The following PCDHGB3 variants were observed in gnomAD, a reference collection of about 807,000 sequenced individuals.
PCDHGB3 encodes the protein protocadherin gamma subfamily B, 3, also known as protocadherin gamma-B3.
A neutral mutation model predicts 59.2 loss-of-function variants in PCDHGB3; 40 were observed. That is an observed-to-expected ratio of 0.68 (90% CI 0.52 to 0.88). The LOEUF (loss-of-function observed/expected upper bound fraction) is 0.88. Among genes scored for constraint, PCDHGB3 ranks in the 40% least tolerant of loss-of-function variants. PCDHGB3 has a pLI of 0.00. For missense variants in PCDHGB3, 1,309 were observed against 1,187.9 expected (o/e 1.10, Z -1.50); for synonymous variants, 581 against 503.6 (o/e 1.15, Z -2.06).
intron 1 of PCDHGB3, chr5:141,399,764 T>C: frequency 6.2e-7 from 1 of 1,613,252 alleles, no homozygotes; most frequent in Non-Finnish European, 8.5e-7. Flanking sequence ...AGCCTGCGCG[T>C]GTTGGTGGGC....
Position 141,485,716 on chromosome 5 carries a change from T to C in PCDHGB3, c.2416-9091T>C. Reference sequence around the variant, plus strand: ...GCTCCAATGAACACTTTGCACTGGATGTGAAGAAGCGCAGCGACGGCAGCC... The same window carrying C: ...GCTCCAATGAACACTTTGCACTGGACGTGAAGAAGCGCAGCGACGGCAGCC... On this transcript the variant is annotated intron_variant, in intron 1 of 3. Coordinates refer to ENST00000576222, the MANE Select transcript of PCDHGB3 (RefSeq NM_018924.5). The surrounding 1 kb of genome is among the most constrained non-coding windows in gnomAD (Gnocchi z 5.7). The C allele has an allele frequency of 6.2e-7, 1 of 1,614,044 alleles. No individual in the cohort carries two copies. Among genetic ancestry groups the C allele is most frequent in the Non-Finnish European group, 8.5e-7 (1 of 1,180,002 alleles).
At chr5:141,372,985 G>A (rs1018239187) in intron 1 of PCDHGB3, 176 bp downstream of exon 1, 2 of 639,950 alleles carry the variant, frequency 3.1e-6, no homozygotes, top group Non-Finnish European at 5.2e-6. Context: ...TATCTGTGTT[G>A]CAGTTGTTCT....
Position 141,489,592 on chromosome 5 carries a change from C to T in PCDHGB3, c.2416-5215C>T, listed in dbSNP as rs747085985. 1.3e-5 allele frequency: 21 copies of T among 1,613,928 alleles called. No individual in the cohort carries two copies. The East Asian group carries it at 1.6e-4, about 12-fold the overall frequency. ...GACTGAACACCCCCTGGAGCTAATC[C>T]GTGTAGAGGTAGAGATCCTGGATCT... is the stretch of plus-strand genomic sequence containing the variant. On this transcript the variant is annotated intron_variant, in intron 1 of 3. Transcript: ENST00000576222. This position sits in a 1 kb window ranked among gnomAD's most constrained non-coding sequence, Gnocchi z 4.5.
rs564367150 is a variant in PCDHGB3 at position 141,464,990 on chromosome 5, C to T, written c.2416-29817C>T. Among the ~76,000 whole-genome samples, 147 of 152,192 alleles carry T rather than the reference C, an allele frequency of 9.7e-4. 1 individual carries two copies. Among genetic ancestry groups the T allele is most frequent in the African/African-American group, 3.5e-3 (144 of 41,536 alleles). On this transcript the variant is annotated intron_variant, in intron 1 of 3. Transcript: ENST00000576222. ...CTACTGGCTTCAAGTGATCCTCCCA[C>T]CTCAGCCTCCCAAAGTGCTAAGATT...
At chr5:141,418,484 C>T (rs771278923) in intron 1 of PCDHGB3, 1 of 1,613,878 alleles carries the variant, frequency 6.2e-7, no homozygotes, top group East Asian at 2.2e-5. Flanking sequence ...GAGCGCTCAC[C>T]ACTTGGTACT....
chr5:141,498,093 G>T (rs975304630), intron 2 of PCDHGB3, among the ~76,000 whole-genome samples: 4 of 152,220 alleles, frequency 2.6e-5, no homozygotes, highest in Admixed American at 1.3e-4. Context: ...AATTGTATCT[G>T]GTGGTGTGGG....
chr5:141,432,374 C>T lies in PCDHGB3; in HGVS notation c.2415+59565C>T. The T allele has an allele frequency of 6.2e-7, 1 of 1,614,240 alleles. No individual in the cohort carries two copies. The highest frequency in any genetic ancestry group is 1.1e-5 in the South Asian group (1 of 91,082). ...GAAAGTGATGGCGCGGGACAACGGG[C>T]ACCCGCCCCTCAGCAGCAACGTGTC... On this transcript the variant is annotated intron_variant, in intron 1 of 3. Transcript: ENST00000576222. The surrounding 1 kb of genome is among the most constrained non-coding windows in gnomAD (Gnocchi z 6.0).
intron 1 of PCDHGB3, among the ~76,000 whole-genome samples, chr5:141,479,846 C>A (rs1350909064): frequency 1.3e-5 from 2 of 152,194 alleles, no homozygotes; most frequent in Admixed American, 6.5e-5. Context: ...TGCAAGGTGA[C>A]TGCAAGGCCT....
intron 1 of PCDHGB3, among the ~76,000 whole-genome samples, chr5:141,451,138 A>T (rs1348825654): frequency 6.6e-6 from 1 of 152,242 alleles, no homozygotes; most frequent in East Asian, 1.9e-4. Flanking sequence ...TTATGATTGT[A>T]TTTAGACTAG....
At chr5:141,503,387 G>A (rs975079596) in intron 2 of PCDHGB3, among the ~76,000 whole-genome samples, 24 of 152,068 alleles carry the variant, frequency 1.6e-4, no homozygotes, top group Middle Eastern at 3.4e-3. Flanking sequence ...ATGAGGTCAG[G>A]AGTTCGAAAC....
Position 141,372,773 on chromosome 5 carries a change from T to A in PCDHGB3, c.2379T>A (p.Asn793Lys). ...CCTCTTGGTTTGAAAGTAATGACAA[T>A]CCAGAAATGCCTTCTAATTCAGGCA... Reference protein sequence around the residue: ...DEASWFESNDNPEMPSNSGNL... With the variant: ...DEASWFESNDKPEMPSNSGNL... The change falls in exon 1 of 4, where the codon AAT (asparagine) becomes AAA (lysine). Residue 793 changes from asparagine (N) to lysine (K), a missense_variant. Asn to Lys is a moderately conservative substitution (Grantham distance 94, BLOSUM62 0). Coordinates refer to ENST00000576222, the MANE Select transcript of PCDHGB3 (RefSeq NM_018924.5). 6.2e-7 allele frequency: 1 copy of A among 1,610,720 alleles called. No individual in the cohort carries two copies. The highest frequency in any genetic ancestry group is 2.2e-5 in the East Asian group (1 of 44,852).
intron 1 of PCDHGB3, chr5:141,403,562 G>A (rs2094421705): frequency 6.2e-7 from 1 of 1,613,980 alleles, no homozygotes; most frequent in Non-Finnish European, 8.5e-7. Context: ...GGACAGGGAG[G>A]AGGCAACTGC....
intron 1 of PCDHGB3, among the ~76,000 whole-genome samples, chr5:141,480,700 C>A (rs1327284592): frequency 1.3e-5 from 2 of 152,192 alleles, no homozygotes; most frequent in Admixed American, 6.5e-5. Flanking sequence ...CCAGGCCACA[C>A]CCCGACAAAT....
At position 141,490,376 on chromosome 5, in the gene PCDHGB3, CA is replaced by C; in HGVS notation, c.2416-4430del. 1 of 1,614,184 alleles carries C rather than the reference CA, an allele frequency of 6.2e-7. No individual in the cohort carries two copies. Among genetic ancestry groups the C allele is most frequent in the African/African-American group, 1.3e-5 (1 of 75,030 alleles). On this transcript the variant is annotated intron_variant, in intron 1 of 3. Coordinates refer to ENST00000576222, the MANE Select transcript of PCDHGB3 (RefSeq NM_018924.5). This position sits in a 1 kb window ranked among gnomAD's most constrained non-coding sequence, Gnocchi z 5.4. ...TTGTTTAATGTGCGAGACCGGGACTCAGGTAGAAATGGTGAAGTGAGCCTTG... is the reference window on the plus strand; with the variant it reads ...TTGTTTAATGTGCGAGACCGGGACTCGGTAGAAATGGTGAAGTGAGCCTTG...
At chr5:141,415,266 G>T in intron 1 of PCDHGB3, 1 of 1,614,218 alleles carries the variant, frequency 6.2e-7, no homozygotes, top group Non-Finnish European at 8.5e-7. Flanking sequence ...CTCTGTACCT[G>T]GTGGTAGCGG....
intron 1 of PCDHGB3, chr5:141,419,707 C>T (rs781629810): frequency 4.6e-5 from 74 of 1,613,062 alleles, no homozygotes; most frequent in Middle Eastern, 1.7e-4. Flanking sequence ...AGCCCGGGCT[C>T]TTCAGCCTGG....
At chr5:141,395,560 G>T (rs868147032) in intron 1 of PCDHGB3, 1 of 206,840 alleles carries the variant, frequency 4.8e-6, no homozygotes, top group South Asian at 1.4e-4. Context: ...GTGTGTGTGT[G>T]TGTGTGTGTG....
chr5:141,444,525 C>T (rs2098439670), intron 1 of PCDHGB3, among the ~76,000 whole-genome samples: 1 of 152,062 alleles, frequency 6.6e-6, no homozygotes, highest in African/African-American at 2.4e-5. Context: ...GTAGGTGAGA[C>T]AGTGACTGTG....
intron 1 of PCDHGB3, among the ~76,000 whole-genome samples, chr5:141,463,706 A>T (rs568865377): frequency 2.9e-3 from 440 of 152,024 alleles, no homozygotes; most frequent in Non-Finnish European, 4.6e-3. Context: ...TCGGCCTCCA[A>T]AAGTGCTGGG....
Sources: gnomAD v4.1 joint callset for allele counts (sites outside exome capture counted in the v4.1 genomes callset) on GRCh38, gnomAD v4.1.1 for gene constraint, Gnocchi (gnomAD v3.1) non-coding constraint, MANE v1.5 for transcripts, NCBI Gene and HGNC (gene_info 2026-07-23, HGNC 2026-07-21) for gene names.